The following MAGI1 variants were observed in gnomAD, a reference collection of about 807,000 sequenced individuals.
MAGI1 encodes membrane-associated guanylate kinase, WW and PDZ domain-containing protein 1.
Under a neutral mutation model 139.9 loss-of-function variants are expected in MAGI1, and 58 were observed. That is an observed-to-expected ratio of 0.41 (90% CI 0.34 to 0.52). The LOEUF (loss-of-function observed/expected upper bound fraction) is 0.52, where lower values mean the gene tolerates loss of function less well. Among genes scored for constraint, MAGI1 ranks in the 20% least tolerant of loss-of-function variants. MAGI1 has a pLI of 0.12. For synonymous variants in MAGI1, 812 were observed against 737.9 expected (o/e 1.10, Z -1.63); for missense variants, 1,874 against 1,901.6 (o/e 0.99, Z 0.27).
chr3:65,454,559 A>AT (rs1553646629), intron 5 of MAGI1, among the ~76,000 whole-genome samples: 2 of 139,002 alleles, frequency 1.4e-5, no homozygotes, highest in Non-Finnish European at 3.0e-5. Flanking sequence ...TAATAATAAA[A>AT]AAATACTTGT....
At chr3:65,377,095 A>T (rs1942609846) in intron 17 of MAGI1, among the ~76,000 whole-genome samples, 1 of 152,214 alleles carries the variant, frequency 6.6e-6, no homozygotes, top group African/African-American at 2.4e-5. Flanking sequence ...GGGACATTAC[A>T]ACTAACTGAG....
Position 65,979,350 on chromosome 3 carries a change from C to T in MAGI1, c.313+58646G>A, listed in dbSNP as rs547311202. ...AACGTCATCCAACAAAAACCATTCT[C>T]GCAGTTAAATTCCGTTTCCTTCAGG... is the stretch of plus-strand genomic sequence containing the variant. On this transcript the variant is annotated intron_variant, in intron 1 of 22. Coordinates refer to ENST00000402939, the MANE Select transcript of MAGI1 (RefSeq NM_001033057.2). Among the ~76,000 whole-genome samples, 7 of 152,238 alleles carry T rather than the reference C, an allele frequency of 4.6e-5. No homozygotes were observed. The South Asian group carries it at 1.2e-3, about 27-fold the overall frequency.
At chr3:65,596,536 C>T (rs899902946) in intron 2 of MAGI1, among the ~76,000 whole-genome samples, 1 of 152,194 alleles carries the variant, frequency 6.6e-6, no homozygotes, top group South Asian at 2.1e-4. Flanking sequence ...TAAAAATAAG[C>T]CATACATACC....
At chr3:65,425,488 G>A (rs534863578) in intron 12 of MAGI1, among the ~76,000 whole-genome samples, 3 of 152,236 alleles carry the variant, frequency 2.0e-5, no homozygotes, top group South Asian at 4.2e-4. Context: ...CCAGAATGGA[G>A]TGCCTGAAAG....
chr3:65,684,862 T>C (rs1037045969), intron 1 of MAGI1, among the ~76,000 whole-genome samples: 2 of 142,820 alleles, frequency 1.4e-5, no homozygotes, highest in Admixed American at 1.4e-4. Flanking sequence ...CCACCACACC[T>C]GGCTAATTTT....
chr3:66,025,554 A>AAAACAAAC (rs542083674), intron 1 of MAGI1, among the ~76,000 whole-genome samples: 21 of 152,190 alleles, frequency 1.4e-4, no homozygotes, highest in Admixed American at 2.0e-4. Flanking sequence ...AAAAAACAAA[A>AAAACAAAC]AAACAAACAA....
At chr3:65,636,719 C>T (rs370942666) in intron 1 of MAGI1, among the ~76,000 whole-genome samples, 1 of 150,548 alleles carries the variant, frequency 6.6e-6, no homozygotes, top group African/African-American at 2.5e-5. Flanking sequence ...CACACACACA[C>T]ACACATACAC....
chr3:65,906,182 C>T (rs1005623802), intron 1 of MAGI1, among the ~76,000 whole-genome samples: 7 of 152,044 alleles, frequency 4.6e-5, no homozygotes, highest in Non-Finnish European at 8.8e-5. Context: ...GAATATATTA[C>T]TCGAAATAGG....
chr3:65,664,507 C>A (rs891961471), intron 1 of MAGI1, among the ~76,000 whole-genome samples: 1 of 152,168 alleles, frequency 6.6e-6, no homozygotes, highest in Non-Finnish European at 1.5e-5. Flanking sequence ...AATAACTTAT[C>A]CAAGTGGCAA....
intron 2 of MAGI1, among the ~76,000 whole-genome samples, chr3:65,546,627 CTAAGT>C (rs1447902262): frequency 1.3e-5 from 2 of 152,146 alleles, no homozygotes; most frequent in Non-Finnish European, 2.9e-5. Context: ...AATTGTTTAA[CTAAGT>C]TAAGATTCCA....
intron 13 of MAGI1, among the ~76,000 whole-genome samples, chr3:65,400,619 G>C (rs1458954258): frequency 6.6e-6 from 1 of 152,012 alleles, no homozygotes; most frequent in Admixed American, 6.6e-5. Flanking sequence ...ATTTTAATTT[G>C]TCATTAGTGC....
intron 14 of MAGI1, 51 bp downstream of exon 14, chr3:65,391,091 T>G (rs772764636): frequency 2.7e-6 from 4 of 1,478,644 alleles, no homozygotes. Context: ...AAGAGAAAGG[T>G]AGAGCCCTGC....
intron 1 of MAGI1, among the ~76,000 whole-genome samples, chr3:65,994,273 C>CAAAAAAAAAAA (rs35940908): frequency 1.6e-4 from 18 of 109,366 alleles, no homozygotes; most frequent in African/African-American, 7.0e-4. Flanking sequence ...GACTCCATCT[C>CAAAAAAAAAAA]AAAAAAAAAA....
At chr3:65,363,680 G>A (rs1052750910) in intron 20 of MAGI1, 72 bp from the exon 21 acceptor site, 2 of 1,314,708 alleles carry the variant, frequency 1.5e-6, no homozygotes, top group East Asian at 2.4e-5. Flanking sequence ...AACATTCTTG[G>A]CAAAAAGGCA....
chr3:65,819,675 G>A (rs891450945), intron 1 of MAGI1, among the ~76,000 whole-genome samples: 17 of 151,676 alleles, frequency 1.1e-4, no homozygotes, highest in African/African-American at 2.2e-4. Context: ...TCAAGAGATC[G>A]AGACCATCCT....
intron 13 of MAGI1, among the ~76,000 whole-genome samples, chr3:65,393,027 T>C (rs114501679): frequency 3.3e-5 from 5 of 152,304 alleles, no homozygotes; most frequent in Admixed American, 2.6e-4. Context: ...ACGCTGATGT[T>C]TGGGTGGGAA....
At chr3:65,619,146 C>A (rs749457348) in intron 2 of MAGI1, among the ~76,000 whole-genome samples, 1 of 151,990 alleles carries the variant, frequency 6.6e-6, no homozygotes, top group African/African-American at 2.4e-5. Flanking sequence ...TCAACAACGC[C>A]GTTACAAATT....
intron 1 of MAGI1, among the ~76,000 whole-genome samples, chr3:65,791,524 G>A (rs1014380801): frequency 1.3e-5 from 2 of 152,124 alleles, no homozygotes; most frequent in Admixed American, 6.5e-5. Context: ...AGGGTATACA[G>A]TTACATATTT....
At chr3:65,962,862 A>G (rs1428855491) in intron 1 of MAGI1, among the ~76,000 whole-genome samples, 1 of 150,054 alleles carries the variant, frequency 6.7e-6, no homozygotes, top group Non-Finnish European at 1.5e-5. Context: ...CAGAAGAAAA[A>G]GAAGAAGAAG....
Sources: gnomAD v4.1 joint callset for allele counts (sites outside exome capture counted in the v4.1 genomes callset) on GRCh38, gnomAD v4.1.1 for gene constraint, MANE v1.5 for transcripts, NCBI Gene and HGNC (gene_info 2026-07-23, HGNC 2026-07-21) for gene names.